Variants in FAM53C observed in about 807,000 individuals in gnomAD.
The protein encoded by FAM53C is family with sequence similarity 53 member C.
A neutral mutation model predicts 34.7 loss-of-function variants in FAM53C; 10 were observed. That is an observed-to-expected ratio of 0.29 (90% confidence interval 0.18 to 0.49). The LOEUF is 0.49. Among genes scored for constraint, FAM53C ranks in the 20% least tolerant of loss-of-function variants. The pLI, the probability that FAM53C is intolerant of heterozygous loss-of-function variation, is 0.99. For synonymous variants in FAM53C, 203 were observed against 203.6 expected (o/e 1.00, Z 0.03); for missense variants, 442 against 515.3 (o/e 0.86, Z 1.38).
chr5:138,344,734 A>C (rs1761119730), intron 3 of FAM53C, 91 bp from the exon 4 acceptor site: 3 of 1,221,686 alleles, frequency 2.5e-6, no homozygotes, highest in Non-Finnish European at 2.2e-6. Flanking sequence ...AAATTTTCAC[A>C]TAAAATGCTC....
chr5:138,338,360 G>GTCCCTCCCTCCT (rs1487353257), intron 1 of FAM53C, 53 bp downstream of exon 1: 1 of 414,770 alleles, frequency 2.4e-6, no homozygotes, highest in Admixed American at 3.2e-5. Context: ...CACCTCAACC[G>GTCCCTCCCTCCT]TCCCTCCCTC....
In FAM53C at chr5:138,346,905, A is replaced by G. The variant is rs1166093432; in HGVS notation, c.1125A>G (p.Thr375=). 3 of 1,614,040 alleles carry G rather than the reference A, an allele frequency of 1.9e-6. No homozygotes were observed. The highest frequency in any genetic ancestry group is 2.5e-6 in the Non-Finnish European group (3 of 1,180,022). The change falls in exon 5 of 5, where the codon ACA becomes ACG. Residue 375 remains threonine, a synonymous_variant. Transcript: ENST00000239906. ...RWGRQALSKR[T]LCQRDFGDLD... ...GTCGGCAGGCGCTGAGCAAGCGGAC[A>G]CTGTGCCAGCGGGACTTTGGGGACC... is the stretch of plus-strand genomic sequence containing the variant.
At chr5:138,342,071 C>T in intron 3 of FAM53C, 1 of 524,954 alleles carries the variant, frequency 1.9e-6, no homozygotes, top group East Asian at 2.9e-5. Flanking sequence ...TTTGTGGGGA[C>T]TTGTATAATC....
At chr5:138,346,675 T>TAA in intron 4 of FAM53C, 27 bp from the exon 5 acceptor site, 1 of 1,613,414 alleles carries the variant, frequency 6.2e-7, no homozygotes, top group Non-Finnish European at 8.5e-7. Context: ...CCTTCAGGTG[T>TAA]AACTGTCTTC....
rs1364044552 is a variant in FAM53C, at chr5:138,347,021, C to T, written c.*62C>T. 32 of 1,604,036 alleles carry T rather than the reference C, an allele frequency of 2.0e-5. No homozygotes were observed. Among genetic ancestry groups the T allele is most frequent in the East Asian group, 1.6e-4 (7 of 44,876 alleles). On this transcript the variant is annotated 3_prime_UTR_variant, in exon 5 of 5. Transcript: ENST00000239906. The stretch of plus-strand genomic sequence containing the variant: ...CTCTCTCATGGCTACTAACAAGTGT[C>T]GAGTCCCCAAGGCTGGGGGCCGAGC...
At chr5:138,338,358 C>G (rs951716206) in intron 1 of FAM53C, 51 bp downstream of exon 1, 3 of 417,436 alleles carry the variant, frequency 7.2e-6, no homozygotes, top group Non-Finnish European at 1.4e-5. Context: ...GGCACCTCAA[C>G]CGTCCCTCCC....
chr5:138,342,305 G>A lies in FAM53C; in HGVS notation c.136+439G>A, dbSNP rs1325352291. ...TATTTCCTTTCTTTTTTAAGTTCTC[G>A]GATACATGTGCAGAACGTGCAGGTT... On this transcript the variant is annotated intron_variant, in intron 3 of 4. Transcript: ENST00000239906. The A allele has an allele frequency of 8.9e-5, 14 of 157,878 alleles. No individual in the cohort carries two copies. The South Asian group carries it at 2.5e-3, about 28-fold the overall frequency. The allele number at this position is 157,878 out of a possible 1,614,324, so 9.8% of individuals were successfully genotyped here. A position where few individuals can be genotyped will look rare whatever the true frequency, so the allele number is the denominator to read the frequency against.
At chr5:138,338,568 C>A (rs1479812903) in intron 1 of FAM53C, among the ~76,000 whole-genome samples, 1 of 149,118 alleles carries the variant, frequency 6.7e-6, no homozygotes, top group Non-Finnish European at 1.5e-5. Context: ...AACGACAGCC[C>A]CCCTGAGCGA....
rs975184011 is a variant in FAM53C, at chr5:138,347,271, C to T, written c.*312C>T. The T allele has an allele frequency of 4.6e-5, 18 of 391,272 alleles. No homozygotes were observed. Among genetic ancestry groups the T allele is most frequent in the Non-Finnish European group, 6.6e-5 (14 of 213,404 alleles). The allele number at this position is 391,272 out of a possible 1,614,324, so 24.2% of individuals were successfully genotyped here. ...AGGAAGGGGTCTGCCGACCCCAGCT[C>T]GGGGAATTTCACTAGCCCCTTTGCT... On this transcript the variant is annotated 3_prime_UTR_variant, in exon 5 of 5. Coordinates refer to ENST00000239906, the MANE Select transcript of FAM53C (RefSeq NM_016605.3).
chr5:138,339,817 C>G (rs1760976524), intron 1 of FAM53C, among the ~76,000 whole-genome samples: 1 of 152,356 alleles, frequency 6.6e-6, no homozygotes, highest in South Asian at 2.1e-4. Context: ...TTGCACCTTT[C>G]TTCCAGAGAA....
chr5:138,337,803 AG>A, upstream of FAM53C: 1 of 426,424 alleles, frequency 2.3e-6, no homozygotes, highest in Admixed American at 3.8e-5. Context: ...TGCTGGGGGA[AG>A]GGGGATTCCT....
At chr5:138,338,139 G>A, upstream of FAM53C, 1 of 1,289,792 alleles carries the variant, frequency 7.8e-7, no homozygotes, top group Non-Finnish European at 1.0e-6. Context: ...GACACGACAC[G>A]GAGCTGCGCC....
At chr5:138,338,595 C>T (rs958144274) in intron 1 of FAM53C, among the ~76,000 whole-genome samples, 3 of 150,056 alleles carry the variant, frequency 2.0e-5, no homozygotes, top group Non-Finnish European at 4.5e-5. Flanking sequence ...GCGCACCCCC[C>T]CCCCCGCCCC....
chr5:138,341,819 A>ATC lies in FAM53C; in HGVS notation c.90_91dup (p.His31LeufsTer45). The ATC allele has an allele frequency of 6.2e-7, 1 of 1,614,136 alleles. No individual in the cohort carries two copies. The highest frequency in any genetic ancestry group is 8.5e-7 in the Non-Finnish European group (1 of 1,180,004). On this transcript the variant is annotated frameshift_variant, in exon 3 of 5. Coordinates refer to ENST00000239906, the MANE Select transcript of FAM53C (RefSeq NM_016605.3). LOFTEE classifies it high-confidence loss of function. ...TTCTCTCTTTCTTAGCCTTTGCCTG[A>ATC]TCATGCAGACATCTCCAACTGTGGG...
At chr5:138,338,097 C>T (rs1251880073), upstream of FAM53C, 1 of 1,289,826 alleles carries the variant, frequency 7.8e-7, no homozygotes, top group South Asian at 1.2e-5. Flanking sequence ...GGCTCGTTCC[C>T]AACAGCGCTG....
At chr5:138,338,716 G>T (rs2126881865) in intron 1 of FAM53C, among the ~76,000 whole-genome samples, 1 of 151,996 alleles carries the variant, frequency 6.6e-6, no homozygotes, top group African/African-American at 2.4e-5. Flanking sequence ...GGGGTGGGGG[G>T]AGGGGTGTTC....
chr5:138,338,341 CG>C, intron 1 of FAM53C, 34 bp downstream of exon 1: 1 of 447,794 alleles, frequency 2.2e-6, no homozygotes, highest in Non-Finnish European at 4.3e-6. Flanking sequence ...GCTGGGGCCT[CG>C]GGGCGGGCAC....
In FAM53C at chr5:138,338,309, T is replaced by C. The variant is rs773410448; in HGVS notation, c.-153+2T>C. 1 of 548,656 alleles carries C rather than the reference T, an allele frequency of 1.8e-6. No individual in the cohort carries two copies. Among genetic ancestry groups the C allele is most frequent in the Non-Finnish European group, 3.2e-6 (1 of 315,988 alleles). The allele number at this position is 548,656 out of a possible 1,614,324, so 34.0% of individuals were successfully genotyped here. A position where few individuals can be genotyped will look rare whatever the true frequency, so the allele number is the denominator to read the frequency against. On this transcript the variant is annotated splice_donor_variant, in intron 1 of 4. Transcript: ENST00000239906. LOFTEE classifies it low-confidence loss of function (5UTR_SPLICE). ...GCCCTGGGAGCTGGAGGAACCGCGG[T>C]AGGTGGTGGAGGGCAGGTGGCGCTG...
In FAM53C at chr5:138,345,337, A is replaced by G. The variant is rs747455419; in HGVS notation, c.649A>G (p.Ser217Gly). The change falls in exon 4 of 5, where the codon AGT (serine) becomes GGT (glycine). Residue 217 changes from serine to glycine, a missense_variant. Physicochemically the swap from Ser to Gly is moderately conservative, Grantham distance 56. Transcript: ENST00000239906. This position sits in a 1 kb window ranked among gnomAD's most constrained non-coding sequence, Gnocchi z 6.3. ...AASPQSGSWE[S>G]DAESLSPCPP... ...CTCCCCTCAAAGTGGCTCCTGGGAG[A>G]GTGATGCTGAGTCCTTGTCACCTTG... 1.2e-6 allele frequency: 2 copies of G among 1,613,844 alleles called. No homozygotes were observed. The highest frequency in any genetic ancestry group is 1.3e-5 in the African/African-American group (1 of 74,822).
Sources: gnomAD v4.1 joint callset for allele counts (sites outside exome capture counted in the v4.1 genomes callset) on GRCh38, gnomAD v4.1.1 for gene constraint, Gnocchi (gnomAD v3.1) non-coding constraint, MANE v1.5 for transcripts, NCBI Gene and HGNC (gene_info 2026-07-23, HGNC 2026-07-21) for gene names.